Variants in MROH2A observed in about 807,000 individuals in gnomAD.
MROH2A encodes maestro heat like repeat family member 2A, also known as maestro heat-like repeat-containing protein family member 2A.
A neutral mutation model predicts 200.4 loss-of-function variants in MROH2A; 174 were observed. The observed-to-expected ratio is 0.87, with a 90% CI of 0.77 to 0.98. The LOEUF (loss-of-function observed/expected upper bound fraction) is 0.98. Among genes scored for constraint, MROH2A ranks in the 50% least tolerant of loss-of-function variants. MROH2A has a pLI of 0.00. For synonymous variants in MROH2A, 829 were observed against 840.4 expected (o/e 0.99, Z 0.23); for missense variants, 2,045 against 2,139.6 (o/e 0.96, Z 0.87).
Position 233,833,233 on chromosome 2 carries a change from C to G in MROH2A, c.4999C>G (p.Leu1667Val). 6.5e-7 allele frequency: 1 copy of G among 1,549,998 alleles called. No individual in the cohort carries two copies. Among genetic ancestry groups the G allele is most frequent in the Non-Finnish European group, 8.7e-7 (1 of 1,146,820 alleles). The stretch of plus-strand genomic sequence containing the variant: ...GGATAGCTGTAGTCAGCATGGGTTT[C>G]TGGCTTCACCCCAAGGAATGTCCTA... ...VLDSCSQHGFLASPQGMS is the reference protein window; with the variant it reads ...VLDSCSQHGFVASPQGMS The change falls in exon 42 of 42, where the codon CTG (leucine) becomes GTG (valine). Residue 1667 changes from leucine to valine, a missense_variant. Physicochemically the swap from Leu to Val is conservative, Grantham distance 32. Coordinates refer to ENST00000389758, the MANE Select transcript of MROH2A (RefSeq NM_001394639.1).
rs1421540856 is a variant in MROH2A at position 233,808,016 on chromosome 2, G to C, written c.2295+161G>C. Among the ~76,000 whole-genome samples, 8 of 152,210 alleles carry C rather than the reference G, an allele frequency of 5.3e-5. No individual in the cohort carries two copies. The South Asian group carries it at 1.7e-3, about 31-fold the overall frequency. ...CATTGTCTTACTCTGAGACCTCCTG[G>C]ACAGAGCTTTTGCTATTGGATCATC... is the stretch of plus-strand genomic sequence containing the variant. On this transcript the variant is annotated intron_variant, in intron 21 of 41. Transcript: ENST00000389758.
chr2:233,785,193 C>T (rs1701140941), intron 3 of MROH2A, among the ~76,000 whole-genome samples: 1 of 151,506 alleles, frequency 6.6e-6, no homozygotes, highest in Non-Finnish European at 1.5e-5. Flanking sequence ...ATGATGAGAC[C>T]AACAGCTCAG....
intron 4 of MROH2A, 73 bp from the exon 5 acceptor site, chr2:233,789,779 G>A: frequency 6.7e-7 from 1 of 1,499,864 alleles, no homozygotes; most frequent in Non-Finnish European, 8.9e-7. Flanking sequence ...GGTGGAGAGA[G>A]CCTGGGGTAG....
At chr2:233,808,432 T>G (rs2126141010) in intron 21 of MROH2A, among the ~76,000 whole-genome samples, 1 of 152,332 alleles carries the variant, frequency 6.6e-6, no homozygotes, top group South Asian at 2.1e-4. Flanking sequence ...TCCCACCAGC[T>G]GGCTGAGCTC....
intron 33 of MROH2A, 43 bp downstream of exon 33, chr2:233,822,599 G>A (rs1482979550): frequency 2.0e-6 from 3 of 1,531,946 alleles, no homozygotes; most frequent in East Asian, 2.5e-5. Context: ...GGCCTGGGCT[G>A]GCTGTAGCCA....
chr2:233,812,045 C>T, intron 24 of MROH2A, 86 bp downstream of exon 24: 2 of 895,026 alleles, frequency 2.2e-6, no homozygotes, highest in Admixed American at 2.0e-5. Flanking sequence ...GGGGTTGTGC[C>T]TCCTTTTTCC....
In MROH2A at chr2:233,832,591, A is replaced by G. The variant is rs548856952; in HGVS notation, c.4850A>G (p.Lys1617Arg). 11 of 1,549,180 alleles carry G rather than the reference A, an allele frequency of 7.1e-6. No individual in the cohort carries two copies. Among genetic ancestry groups the G allele is most frequent in the Middle Eastern group, 3.3e-4 (2 of 5,990 alleles). The change falls in exon 41 of 42, where the codon AAG (lysine) becomes AGG (arginine). Residue 1617 changes from lysine to arginine, a missense_variant. Physicochemically the swap from Lys to Arg is conservative, Grantham distance 26. Coordinates refer to ENST00000389758, the MANE Select transcript of MROH2A (RefSeq NM_001394639.1). ...GCTATTGTTTTAGGAATTATTATGA[A>G]GCAGATGTCTACACATTATCTGAAA... Reference protein sequence around the residue: ...AACNLAGIIMKQMSTHYLKKL... With the variant: ...AACNLAGIIMRQMSTHYLKKL...
Position 233,794,491 on chromosome 2 carries a change from G to GAGTAC in MROH2A, c.951_952insAGTAC (p.Leu318SerfsTer9). On this transcript the variant is annotated frameshift_variant, in exon 8 of 42. Coordinates refer to ENST00000389758, the MANE Select transcript of MROH2A (RefSeq NM_001394639.1). LOFTEE classifies it high-confidence loss of function. Reference sequence around the variant, plus strand: ...CGGAGTACCAGGGCAGTCTGGAGGTGCTCTTCGTCACGCAGGCGAGTGGCC... The same window carrying GAGTAC: ...CGGAGTACCAGGGCAGTCTGGAGGTGAGTACCTCTTCGTCACGCAGGCGAGTGGCC... The GAGTAC allele has an allele frequency of 2.6e-6, 4 of 1,531,118 alleles. No individual in the cohort carries two copies. The highest frequency in any genetic ancestry group is 3.5e-6 in the Non-Finnish European group (4 of 1,129,318). The allele number at this position is 1,531,118 out of a possible 1,614,324, so 94.8% of individuals were successfully genotyped here.
intron 10 of MROH2A, 42 bp from the exon 11 acceptor site, chr2:233,796,158 G>A: frequency 1.3e-6 from 2 of 1,525,370 alleles, no homozygotes; most frequent in Non-Finnish European, 1.8e-6. Context: ...GGCCTGCTCT[G>A]GACCCGGTGA....
chr2:233,797,787 A>C (rs1702213933), intron 11 of MROH2A, among the ~76,000 whole-genome samples: 1 of 150,744 alleles, frequency 6.6e-6, no homozygotes, highest in Admixed American at 6.6e-5. Flanking sequence ...CCCTATGTCC[A>C]TGTGTTCTCA....
intron 35 of MROH2A, 23 bp downstream of exon 35, chr2:233,823,687 G>A: frequency 6.5e-7 from 1 of 1,546,258 alleles, no homozygotes; most frequent in Admixed American, 2.0e-5. Context: ...CACCGGGTGT[G>A]GGCGGGGTGC....
chr2:233,789,859 G>A lies in MROH2A; in HGVS notation c.416G>A (p.Gly139Asp), dbSNP rs1356133917. ...KEMREIPEME[G>D]YMKAEVASDT... ...CTCTTCTGTCTCCTGCAGATGGAGGGCTATATGAAGGCAGAGGTGGCCAGC... is the reference window on the plus strand; with the variant it reads ...CTCTTCTGTCTCCTGCAGATGGAGGACTATATGAAGGCAGAGGTGGCCAGC... Residue 139 changes from glycine (G) to aspartate (D), a missense_variant, in exon 5 of 42, where the codon GGC (glycine) becomes GAC (aspartate). By Grantham distance (94) the Gly-to-Asp change is moderately conservative. This residue lies in a region of MROH2A where 831 missense variants were observed against 800.0 expected (regional missense o/e 1.04). Coordinates refer to ENST00000389758, the MANE Select transcript of MROH2A (RefSeq NM_001394639.1). 8 of 1,549,702 alleles carry A rather than the reference G, an allele frequency of 5.2e-6. No homozygotes were observed. The highest frequency in any genetic ancestry group is 7.0e-6 in the Non-Finnish European group (8 of 1,146,598).
Position 233,823,559 on chromosome 2 carries a change from G to A in MROH2A, c.4008G>A (p.Leu1336=). Residue 1336 remains leucine, a synonymous_variant, in exon 35 of 42, where the codon CTG becomes CTA. Transcript: ENST00000389758. ...FLEGVSLLAR[L]CMQHVEGHRQ... ...TGGCACTGTCTCTCCTCTGCAGGCT[G>A]TGCATGCAGCACGTGGAGGGCCACA... The A allele has an allele frequency of 6.5e-7, 1 of 1,550,002 alleles. No individual in the cohort carries two copies. Among genetic ancestry groups the A allele is most frequent in the Non-Finnish European group, 8.7e-7 (1 of 1,146,922 alleles).
rs1703560831 is a variant in MROH2A at position 233,816,765 on chromosome 2, T to G, written c.2857-16T>G. 3.9e-6 allele frequency: 6 copies of G among 1,541,328 alleles called. No homozygotes were observed. The highest frequency in any genetic ancestry group is 5.3e-6 in the Non-Finnish European group (6 of 1,138,940). On this transcript the variant is annotated splice_polypyrimidine_tract_variant and intron_variant, in intron 26 of 41. Coordinates refer to ENST00000389758, the MANE Select transcript of MROH2A (RefSeq NM_001394639.1). ...GATTTTAACACCCACTTTGGTGTTC[T>G]GGGCTCTACCCATAGCTCCTGGAAA...
Position 233,819,273 on chromosome 2 carries a change from G to A in MROH2A, c.3205-44G>A, listed in dbSNP as rs1295496051. ...GGGAGGAGAGAGTGTCAGCAGTCAT[G>A]GAGTGGCAGGGGAGGGCAGGGGAGT... On this transcript the variant is annotated intron_variant, in intron 29 of 41. Coordinates refer to ENST00000389758, the MANE Select transcript of MROH2A (RefSeq NM_001394639.1). 4 of 1,531,750 alleles carry A rather than the reference G, an allele frequency of 2.6e-6. No individual in the cohort carries two copies. The African/African-American group carries it at 5.5e-5, about 21-fold the overall frequency. The allele number at this position is 1,531,750 out of a possible 1,614,324, so 94.9% of individuals were successfully genotyped here.
chr2:233,822,874 C>T lies in MROH2A; in HGVS notation c.3867-7C>T, dbSNP rs1704041647. ...GCAGCGCATCACAAGCTCCCACCTC[C>T]CTTCAGGGTCACTATCAAGTCCATG... is the stretch of plus-strand genomic sequence containing the variant. On this transcript the variant is annotated splice_region_variant and splice_polypyrimidine_tract_variant and intron_variant, in intron 33 of 41. Coordinates refer to ENST00000389758, the MANE Select transcript of MROH2A (RefSeq NM_001394639.1). 5.2e-6 allele frequency: 8 copies of T among 1,550,336 alleles called. No homozygotes were observed. The highest frequency in any genetic ancestry group is 5.2e-6 in the Non-Finnish European group (6 of 1,146,832).
chr2:233,826,038 C>G (rs964386233), intron 35 of MROH2A, among the ~76,000 whole-genome samples: 6 of 149,884 alleles, frequency 4.0e-5, no homozygotes, highest in African/African-American at 1.2e-4. Context: ...AATTCTCCTG[C>G]CTCAGCCTTT....
At chr2:233,809,533 A>G (rs1170556110) in intron 22 of MROH2A, among the ~76,000 whole-genome samples, 1 of 152,000 alleles carries the variant, frequency 6.6e-6, no homozygotes, top group East Asian at 1.9e-4. Context: ...CCACAAGATG[A>G]GCCCCACCTC....
chr2:233,776,076 A>G (rs1464024433), upstream of MROH2A, among the ~76,000 whole-genome samples: 1 of 152,148 alleles, frequency 6.6e-6, no homozygotes, highest in African/African-American at 2.4e-5. Flanking sequence ...TTTTCTTTAT[A>G]AATTACCCAG....
Sources: allele counts gnomAD v4.1 joint callset (sites outside exome capture counted in the v4.1 genomes callset), GRCh38; gene constraint gnomAD v4.1.1; regional missense constraint gnomAD v4.1.1; transcripts MANE v1.5; gene names NCBI Gene and HGNC (gene_info 2026-07-23, HGNC 2026-07-21).